The following DGAT2 variants were observed in gnomAD, a reference collection of about 807,000 sequenced individuals.
The protein encoded by DGAT2 is diacylglycerol O-acyltransferase 2.
In DGAT2, 33 loss-of-function variants were observed where a neutral mutation model predicts 48.4. That is an observed-to-expected ratio of 0.68 (90% confidence interval 0.52 to 0.91). The LOEUF is 0.91. Among genes scored for constraint, DGAT2 ranks in the 40% least tolerant of loss-of-function variants. DGAT2 has a pLI of 0.00. For synonymous variants in DGAT2, 191 were observed against 194.1 expected, an observed-to-expected ratio of 0.98 and a Z score of 0.13; for missense variants, 446 against 493.7, an observed-to-expected ratio of 0.90 and a Z score of 0.92.
rs140088423 is a variant in DGAT2 at position 75,797,325 on chromosome 11, C to T, written c.802C>T (p.Arg268Cys). 116 of 1,495,790 alleles carry T rather than the reference C, an allele frequency of 7.8e-5. No homozygotes were observed. Among genetic ancestry groups the T allele is most frequent in the Non-Finnish European group, 9.1e-5 (102 of 1,118,276 alleles). The allele number at this position is 1,495,790 out of a possible 1,614,324, so 92.7% of individuals were successfully genotyped here. The change falls in exon 6 of 8, where the codon CGT (arginine) becomes TGT (cysteine). Residue 268 changes from arginine (R) to cysteine (C), a missense_variant. By Grantham distance (180) the Arg-to-Cys change is radical. Transcript: ENST00000228027. ...NRKGFVKLAL[R>C]HGADLVPIYS... is the part of the protein sequence containing the mutation. ...CAAGGGCTTTGTGAAACTGGCCCTG[C>T]GTCATGGGTGAGTGCCTCCCTACAC...
chr11:75,782,662 A>T (rs1944878965), intron 1 of DGAT2, among the ~76,000 whole-genome samples: 1 of 152,238 alleles, frequency 6.6e-6, no homozygotes, highest in South Asian at 2.1e-4. Context: ...GTGAAAGGTT[A>T]TGAGACCCTC....
chr11:75,781,327 A>G (rs1171266000), intron 1 of DGAT2, among the ~76,000 whole-genome samples: 1 of 152,186 alleles, frequency 6.6e-6, no homozygotes, highest in Non-Finnish European at 1.5e-5. Context: ...ATTATCAGGG[A>G]ATCATCAGGT....
At position 75,768,900 on chromosome 11, in the gene DGAT2, G is replaced by T; in HGVS notation, c.-92G>T. The T allele has an allele frequency of 7.4e-7, 1 of 1,347,714 alleles. No individual in the cohort carries two copies. The allele number at this position is 1,347,714 out of a possible 1,614,324, so 83.5% of individuals were successfully genotyped here. On this transcript the variant is annotated 5_prime_UTR_variant, in exon 1 of 8. Coordinates refer to ENST00000228027, the MANE Select transcript of DGAT2 (RefSeq NM_032564.5). ...CGCCGTCCCGGGACCCCTGTGCTCT[G>T]CGCGAAGCCCTGGCCCCGGGGGCCG...
At chr11:75,769,625 T>A (rs1944736463) in intron 1 of DGAT2, among the ~76,000 whole-genome samples, 1 of 152,062 alleles carries the variant, frequency 6.6e-6, no homozygotes, top group Non-Finnish European at 1.5e-5. Flanking sequence ...ACCCTGCATG[T>A]CCTCCAAGGT....
intron 1 of DGAT2, among the ~76,000 whole-genome samples, chr11:75,770,860 G>A (rs1301566280): frequency 6.6e-6 from 1 of 152,128 alleles, no homozygotes; most frequent in Non-Finnish European, 1.5e-5. Context: ...GGGCTGGTAT[G>A]AAATGCAAAC....
intron 7 of DGAT2, among the ~76,000 whole-genome samples, chr11:75,800,002 A>G (rs1279186585): frequency 1.3e-5 from 2 of 152,142 alleles, no homozygotes; most frequent in Non-Finnish European, 2.9e-5. Context: ...AGATGAGGAA[A>G]CTGAGGGTCA....
intron 1 of DGAT2, among the ~76,000 whole-genome samples, chr11:75,780,255 C>T (rs1197814916): frequency 6.6e-6 from 1 of 152,172 alleles, no homozygotes; most frequent in Non-Finnish European, 1.5e-5. Flanking sequence ...TGGACTCCTC[C>T]CAGCCACAGC....
At chr11:75,774,932 C>T (rs1475916216) in intron 1 of DGAT2, among the ~76,000 whole-genome samples, 3 of 152,130 alleles carry the variant, frequency 2.0e-5, no homozygotes, top group Admixed American at 2.0e-4. Context: ...CAATCATGTC[C>T]AGGGTCCTGG....
At chr11:75,780,314 T>C (rs1233571732) in intron 1 of DGAT2, among the ~76,000 whole-genome samples, 2 of 152,184 alleles carry the variant, frequency 1.3e-5, no homozygotes, top group Non-Finnish European at 2.9e-5. Flanking sequence ...TGGCAGTGTT[T>C]TGGGGGTGCC....
At chr11:75,782,164 A>G (rs11236531) in intron 1 of DGAT2, among the ~76,000 whole-genome samples, 30,090 of 152,118 alleles carry the variant, frequency 0.2, 4,607 homozygotes, top group African/African-American at 0.43. Flanking sequence ...TTTTCCTGCC[A>G]AATAGAAGGT....
chr11:75,769,127 G>T lies in DGAT2; in HGVS notation c.121+15G>T, dbSNP rs754070434. 13 of 1,554,590 alleles carry T rather than the reference G, an allele frequency of 8.4e-6. No individual in the cohort carries two copies. The highest frequency in any genetic ancestry group is 1.4e-5 in the African/African-American group (1 of 70,532). ...TGGGAGATGGGGTGAGTGCCACGGC[G>T]CAGGGGTTATGGACCTGCGAGAAGA... On this transcript the variant is annotated intron_variant, in intron 1 of 7. Coordinates refer to ENST00000228027, the MANE Select transcript of DGAT2 (RefSeq NM_032564.5).
intron 3 of DGAT2, 55 bp downstream of exon 3, chr11:75,790,350 T>C (rs2064813497): frequency 1.4e-6 from 2 of 1,433,024 alleles, no homozygotes; most frequent in African/African-American, 2.8e-5. Context: ...CTCTTCCCCC[T>C]GCACAAGCTG....
At chr11:75,770,928 G>A (rs764904479) in intron 1 of DGAT2, among the ~76,000 whole-genome samples, 46 of 152,172 alleles carry the variant, frequency 3.0e-4, no homozygotes, top group Admixed American at 6.5e-5. Flanking sequence ...AGTAGGGGAG[G>A]GCACTGAAGC....
intron 2 of DGAT2, among the ~76,000 whole-genome samples, chr11:75,787,234 CATCCAAGTCCATGG>C (rs1944931586): frequency 6.6e-6 from 1 of 152,208 alleles, no homozygotes; most frequent in Non-Finnish European, 1.5e-5. Flanking sequence ...TTTGTTTCCC[CATCCAAGTCCATGG>C]ATATTGTGTG....
intron 4 of DGAT2, 130 bp from the exon 5 acceptor site, chr11:75,796,198 A>G: frequency 1.3e-6 from 1 of 750,350 alleles, no homozygotes. Context: ...TAAGGTGTGG[A>G]GATTCATTGC....
chr11:75,798,481 C>CAGCT, intron 7 of DGAT2, 52 bp downstream of exon 7: 1 of 1,587,390 alleles, frequency 6.3e-7, no homozygotes. Flanking sequence ...GGGTGCCATA[C>CAGCT]AGCTAATCAG....
intron 1 of DGAT2, among the ~76,000 whole-genome samples, chr11:75,775,563 G>A (rs983566267): frequency 2.0e-5 from 3 of 152,172 alleles, no homozygotes; most frequent in Non-Finnish European, 1.5e-5. Flanking sequence ...ACCAGTGGAG[G>A]GAGTGAGCTC....
At chr11:75,769,694 C>G (rs1373025002) in intron 1 of DGAT2, among the ~76,000 whole-genome samples, 1 of 152,134 alleles carries the variant, frequency 6.6e-6, no homozygotes, top group Non-Finnish European at 1.5e-5. Context: ...CCCGCACCCC[C>G]CGCAGCTTTT....
chr11:75,792,004 G>A (rs1342918174), intron 4 of DGAT2, among the ~76,000 whole-genome samples: 1 of 152,224 alleles, frequency 6.6e-6, no homozygotes. Flanking sequence ...ATGATAGACT[G>A]TTCTTTCTGC....
Sources: allele counts gnomAD v4.1 joint callset (sites outside exome capture counted in the v4.1 genomes callset), GRCh38; gene constraint gnomAD v4.1.1; transcripts MANE v1.5; gene names NCBI Gene and HGNC (gene_info 2026-07-23, HGNC 2026-07-21).